The following MICU2 variants were observed in gnomAD, a reference collection of about 807,000 sequenced individuals.
MICU2 encodes the protein calcium uptake protein 2, mitochondrial.
MICU2 carries 64 observed loss-of-function variants against 60.4 expected under a neutral mutation model. The ratio of observed to expected loss-of-function variants is 1.06; its 90% CI spans 0.87 to 1.31. MICU2 has a LOEUF of 1.31. Ranked by LOEUF, MICU2 falls within the 50% of genes most tolerant of loss-of-function variation. MICU2 has a pLI of 0.00. For missense variants in MICU2, 569 were observed against 531.0 expected (o/e 1.07, Z -0.70); for synonymous variants, 201 against 175.0 (o/e 1.15, Z -1.17).
chr13:21,570,617 C>T (rs1593350238), intron 1 of MICU2, among the ~76,000 whole-genome samples: 2 of 152,198 alleles, frequency 1.3e-5, no homozygotes, highest in South Asian at 4.1e-4. Context: ...ACTCTTGAAG[C>T]ATAAATTTCA....
chr13:21,597,210 A>C (rs1350051137), intron 1 of MICU2, among the ~76,000 whole-genome samples: 2 of 152,218 alleles, frequency 1.3e-5, no homozygotes, highest in East Asian at 3.8e-4. Context: ...AGATGTCATC[A>C]ATTAATTCAC....
At chr13:21,529,608 G>A (rs1886938570) in intron 4 of MICU2, among the ~76,000 whole-genome samples, 1 of 152,212 alleles carries the variant, frequency 6.6e-6, no homozygotes, top group South Asian at 2.1e-4. Flanking sequence ...GGACAGTGTG[G>A]TTTCAGAGAA....
intron 8 of MICU2, among the ~76,000 whole-genome samples, chr13:21,506,738 G>A (rs1027554609): frequency 1.3e-5 from 2 of 152,104 alleles, no homozygotes; most frequent in East Asian, 1.9e-4. Flanking sequence ...TTTTCCTGTC[G>A]ATGGCTGCAC....
At chr13:21,539,269 A>G (rs760283263) in intron 4 of MICU2, 33 bp downstream of exon 4, 2 of 1,567,856 alleles carry the variant, frequency 1.3e-6, no homozygotes, top group Non-Finnish European at 1.8e-6. Context: ...AATAAAACAC[A>G]TAACTAGAAA....
At chr13:21,549,220 T>C (rs1228186308) in intron 2 of MICU2, among the ~76,000 whole-genome samples, 2 of 152,128 alleles carry the variant, frequency 1.3e-5, no homozygotes, top group South Asian at 2.1e-4. Context: ...TGAGCTAGCG[T>C]GCCCAGCTGA....
At position 21,539,377 on chromosome 13, in the gene MICU2, C is replaced by A. The variant is rs1305052224; in HGVS notation, c.391G>T (p.Asp131Tyr). The change falls in exon 4 of 12, where the codon GAC (aspartate) becomes TAC (tyrosine). Residue 131 changes from aspartate (D) to tyrosine (Y), a missense_variant and splice_region_variant. Coordinates refer to ENST00000382374, the MANE Select transcript of MICU2 (RefSeq NM_152726.3). The part of the protein sequence containing the change: ...KTSVKKLTKK[D>Y]IEDTLSGIQT... ...ATCCCTGACAGTGTATCCTCGATGTCCTTTGAATACACATATTAAAATTAA... is the reference window on the plus strand; with the variant it reads ...ATCCCTGACAGTGTATCCTCGATGTACTTTGAATACACATATTAAAATTAA... The A allele has an allele frequency of 1.9e-6, 3 of 1,612,124 alleles. No homozygotes were observed. The South Asian group carries it at 3.3e-5, about 18-fold the overall frequency.
At position 21,559,754 on chromosome 13, in the gene MICU2, A is replaced by AC. The variant is rs1232394672; in HGVS notation, c.358+7042dup. Among the ~76,000 whole-genome samples, 5 of 152,148 alleles carry AC rather than the reference A, an allele frequency of 3.3e-5. No individual in the cohort carries two copies. The South Asian group carries it at 1.0e-3, about 32-fold the overall frequency. Reference sequence around the variant, plus strand: ...TGGCCAGGCTGGTCTTGAACTCCTGACCTCAGGTGATCCACCTGCCTTGGC... The same window carrying AC: ...TGGCCAGGCTGGTCTTGAACTCCTGACCCTCAGGTGATCCACCTGCCTTGGC... On this transcript the variant is annotated intron_variant, in intron 2 of 11. Transcript: ENST00000382374.
At chr13:21,552,303 T>A (rs1280241655) in intron 2 of MICU2, among the ~76,000 whole-genome samples, 1 of 152,226 alleles carries the variant, frequency 6.6e-6, no homozygotes, top group Non-Finnish European at 1.5e-5. Flanking sequence ...TAAATTTGTT[T>A]GAGTTCATTG....
chr13:21,565,870 C>A (rs1209870131), intron 2 of MICU2, among the ~76,000 whole-genome samples: 1 of 152,128 alleles, frequency 6.6e-6, no homozygotes, highest in African/African-American at 2.4e-5. Flanking sequence ...TTTTTACCAC[C>A]TTATTTTTCT....
chr13:21,529,320 A>G (rs1886931973), intron 4 of MICU2, among the ~76,000 whole-genome samples: 1 of 152,190 alleles, frequency 6.6e-6, no homozygotes, highest in African/African-American at 2.4e-5. Flanking sequence ...GTGTTGGTTT[A>G]GGGGGAAGAC....
At chr13:21,516,417 TTG>T (rs1345745261) in intron 6 of MICU2, among the ~76,000 whole-genome samples, 1 of 152,262 alleles carries the variant, frequency 6.6e-6, no homozygotes, top group Non-Finnish European at 1.5e-5. Context: ...CCATTTATTG[TTG>T]TGTTTTATTA....
chr13:21,520,613 C>T (rs1211237524), intron 6 of MICU2, among the ~76,000 whole-genome samples: 2 of 151,910 alleles, frequency 1.3e-5, no homozygotes, highest in East Asian at 3.9e-4. Flanking sequence ...AAACACTTAA[C>T]CCTAACTGGC....
chr13:21,496,149 C>T lies in MICU2; in HGVS notation c.945G>A (p.Leu315=). The stretch of plus-strand genomic sequence containing the variant: ...AATGGCAAAATGACTTGAATTCATC[C>T]AAACTAATGCTCTAATAAAGTAAGA... ...EKLSAGESIS[L]DEFKSFCHFT... Residue 315 remains leucine (L), a synonymous_variant, in exon 10 of 12, where the codon TTG becomes TTA. Transcript: ENST00000382374. The T allele has an allele frequency of 6.2e-7, 1 of 1,611,538 alleles. No individual in the cohort carries two copies. Among genetic ancestry groups the T allele is most frequent in the Non-Finnish European group, 8.5e-7 (1 of 1,178,176 alleles).
Position 21,495,159 on chromosome 13 carries a change from A to G in MICU2, c.1200+2T>C. The G allele has an allele frequency of 6.3e-7, 1 of 1,590,324 alleles. No individual in the cohort carries two copies. On this transcript the variant is annotated splice_donor_variant, in intron 11 of 11. Transcript: ENST00000382374. LOFTEE classifies it high-confidence loss of function. ...ATGTATTATATAAAAAAAATCTGTT[A>G]CCCATAAACCTCGATGCATTCTGTT...
intron 8 of MICU2, among the ~76,000 whole-genome samples, chr13:21,507,903 G>C (rs758046189): frequency 6.6e-6 from 1 of 151,472 alleles, no homozygotes; most frequent in East Asian, 2.0e-4. Flanking sequence ...CGCCCGGCCA[G>C]ATTTTCTTTT....
At chr13:21,551,066 CAT>C (rs1224784385) in intron 2 of MICU2, among the ~76,000 whole-genome samples, 1 of 152,228 alleles carries the variant, frequency 6.6e-6, no homozygotes, top group Non-Finnish European at 1.5e-5. Context: ...CTCACCTGCT[CAT>C]GTCCTAACAT....
rs1359469160 is a variant in MICU2 at position 21,604,145 on chromosome 13, C to T, written c.4G>A (p.Ala2Thr). The change falls in exon 1 of 12, where the codon GCG becomes ACG. Residue 2 changes from alanine (A) to threonine (T), a missense_variant. Ala to Thr is a moderately conservative substitution (Grantham distance 58). Transcript: ENST00000382374. ...CGCGCGCAGCTACCCGCAGCCGCCG[C>T]CATCTTTGCGGAAGCGCAGCTAGGC... The part of the protein sequence containing the change: M[A>T]AAAGSCARVA... The T allele has an allele frequency of 1.9e-6, 3 of 1,554,928 alleles. No individual in the cohort carries two copies. Among genetic ancestry groups the T allele is most frequent in the Admixed American group, 3.7e-5 (2 of 53,674 alleles).
chr13:21,511,367 C>A (rs1886424245), intron 7 of MICU2, among the ~76,000 whole-genome samples: 2 of 152,128 alleles, frequency 1.3e-5, no homozygotes, highest in African/African-American at 4.8e-5. Flanking sequence ...TACAAAGACA[C>A]TGTAGCAAGA....
intron 9 of MICU2, among the ~76,000 whole-genome samples, chr13:21,496,996 A>G (rs1242455318): frequency 6.6e-6 from 1 of 152,048 alleles, no homozygotes; most frequent in Non-Finnish European, 1.5e-5. Context: ...CAGGAGGCAG[A>G]GCTTGCAGTG....
Sources: allele counts gnomAD v4.1 joint callset (sites outside exome capture counted in the v4.1 genomes callset), GRCh38; gene constraint gnomAD v4.1.1; transcripts MANE v1.5; gene names NCBI Gene and HGNC (gene_info 2026-07-23, HGNC 2026-07-21).